The following GRID2 variants were observed in gnomAD, a reference collection of about 807,000 sequenced individuals.
The protein encoded by GRID2 is glutamate ionotropic receptor delta type subunit 2.
Under a neutral mutation model 114.8 loss-of-function variants are expected in GRID2, and 33 were observed. The observed-to-expected ratio is 0.29, with a 90% CI of 0.22 to 0.38. The LOEUF (loss-of-function observed/expected upper bound fraction) is 0.38, where lower values mean the gene tolerates loss of function less well. Among genes scored for constraint, GRID2 ranks in the 10% least tolerant of loss-of-function variants. The pLI, the probability that GRID2 is intolerant of heterozygous loss-of-function variation, is 1.00. For missense variants in GRID2, 1,184 were observed against 1,257.7 expected, an observed-to-expected ratio of 0.94 and a Z score of 0.89; for synonymous variants, 505 against 449.9, an observed-to-expected ratio of 1.12 and a Z score of -1.55.
chr4:93,350,809 A>AT (rs1223934671), intron 8 of GRID2, among the ~76,000 whole-genome samples: 2 of 152,068 alleles, frequency 1.3e-5, no homozygotes, highest in Non-Finnish European at 2.9e-5. Context: ...CTTAAAAATT[A>AT]TTTAATGTTT....
At chr4:93,031,518 C>T (rs1255617886) in intron 2 of GRID2, among the ~76,000 whole-genome samples, 1 of 152,094 alleles carries the variant, frequency 6.6e-6, no homozygotes, top group Non-Finnish European at 1.5e-5. Flanking sequence ...AATTGTAGCT[C>T]CCATAATTCC....
intron 8 of GRID2, among the ~76,000 whole-genome samples, chr4:93,315,316 G>T (rs1756469283): frequency 6.6e-6 from 1 of 152,090 alleles, no homozygotes; most frequent in Admixed American, 6.6e-5. Context: ...AATATCATAA[G>T]CTATGGGGAT....
chr4:93,181,177 AAAC>A (rs1351042543), intron 4 of GRID2, among the ~76,000 whole-genome samples: 2 of 152,192 alleles, frequency 1.3e-5, no homozygotes, highest in Admixed American at 1.3e-4. Context: ...GCGGGCATGA[AAAC>A]AACATTAATC....
At chr4:93,403,067 C>T (rs552077579) in intron 9 of GRID2, among the ~76,000 whole-genome samples, 1 of 152,216 alleles carries the variant, frequency 6.6e-6, no homozygotes, top group African/African-American at 2.4e-5. Context: ...GCCCTCACAG[C>T]AAGGAGTTGG....
In GRID2 at chr4:92,648,667, A is replaced by G. The variant is rs1731764338; in HGVS notation, c.244+58381A>G. Among the ~76,000 whole-genome samples the G allele has an allele frequency of 1.3e-5, 2 of 149,236 alleles. 1 individual carries two copies. The highest frequency in any genetic ancestry group is 1.3e-4 in the Admixed American group (2 of 15,038). On this transcript the variant is annotated intron_variant, in intron 2 of 15. Transcript: ENST00000282020. ...CAATGGTCAAACAAGCGGTTGATAA[A>G]GGAGAAGTGTGCCCAGTAAAGCAAG...
intron 2 of GRID2, among the ~76,000 whole-genome samples, chr4:92,743,894 G>A (rs1352557802): frequency 6.6e-6 from 1 of 152,182 alleles, no homozygotes; most frequent in African/African-American, 2.4e-5. Context: ...GAATTTTTAT[G>A]TTTGACATAT....
At chr4:93,694,826 C>A (rs1454476143) in intron 14 of GRID2, among the ~76,000 whole-genome samples, 4 of 152,030 alleles carry the variant, frequency 2.6e-5, no homozygotes, top group Admixed American at 6.6e-5. Flanking sequence ...TATAATTACC[C>A]GGAAATGCTC....
At chr4:93,415,914 T>A (rs1277922101) in intron 9 of GRID2, among the ~76,000 whole-genome samples, 1 of 151,956 alleles carries the variant, frequency 6.6e-6, no homozygotes. Flanking sequence ...GTATTTTTAT[T>A]TACTTTTATC....
intron 1 of GRID2, among the ~76,000 whole-genome samples, chr4:92,445,099 T>C (rs1013405586): frequency 1.3e-5 from 2 of 152,190 alleles, no homozygotes; most frequent in African/African-American, 4.8e-5. Flanking sequence ...ATATAAGGCT[T>C]ATTATGTGCT....
Position 93,402,856 on chromosome 4 carries a change from A to T in GRID2, c.1347+7148A>T, listed in dbSNP as rs117467532. 2.4e-3 allele frequency among the ~76,000 whole-genome samples: 361 copies of T among 152,310 alleles called. 2 individuals carry two copies. The highest frequency in any genetic ancestry group is 0.02 in the Admixed American group (313 of 15,276). On this transcript the variant is annotated intron_variant, in intron 9 of 15. Transcript: ENST00000282020. Reference sequence around the variant, plus strand: ...AATATATAACTAAACAAATGCCTCCAGTGATAGTTCTGAAACGTCATTGTC... The same window carrying T: ...AATATATAACTAAACAAATGCCTCCTGTGATAGTTCTGAAACGTCATTGTC...
intron 9 of GRID2, 30 bp downstream of exon 9, chr4:93,395,738 A>C: frequency 1.1e-6 from 1 of 941,392 alleles, no homozygotes; most frequent in South Asian, 1.4e-5. Context: ...CGTGGTTTTG[A>C]CTTTTGGAGG....
chr4:93,235,407 T>C (rs1746663194), intron 7 of GRID2, among the ~76,000 whole-genome samples: 4 of 152,084 alleles, frequency 2.6e-5, no homozygotes, highest in Non-Finnish European at 5.9e-5. Flanking sequence ...CCACCATGCA[T>C]GCACAAAAAT....
At chr4:93,666,455 G>A (rs776056953) in intron 14 of GRID2, among the ~76,000 whole-genome samples, 16 of 152,006 alleles carry the variant, frequency 1.1e-4, no homozygotes, top group Non-Finnish European at 2.4e-4. Flanking sequence ...GGAAGATGGG[G>A]TTTGGCATGT....
At chr4:93,279,459 A>C (rs147022435) in intron 8 of GRID2, among the ~76,000 whole-genome samples, 280 of 151,998 alleles carry the variant, frequency 1.8e-3, no homozygotes, top group Non-Finnish European at 3.3e-3. Flanking sequence ...AATTTGAGGG[A>C]TACTCAGCCA....
intron 1 of GRID2, among the ~76,000 whole-genome samples, chr4:92,489,876 C>T (rs955977363): frequency 6.0e-5 from 9 of 151,066 alleles, no homozygotes; most frequent in African/African-American, 2.2e-4. Flanking sequence ...AATGATTTCA[C>T]TTAGAGTAAA....
chr4:93,507,226 T>A (rs932483365), intron 12 of GRID2, among the ~76,000 whole-genome samples: 7 of 152,154 alleles, frequency 4.6e-5, no homozygotes, highest in African/African-American at 1.7e-4. Flanking sequence ...CCGTATACTC[T>A]TGATACCTTT....
At chr4:92,877,348 T>C (rs1745703925) in intron 2 of GRID2, among the ~76,000 whole-genome samples, 1 of 152,236 alleles carries the variant, frequency 6.6e-6, no homozygotes, top group African/African-American at 2.4e-5. Flanking sequence ...TATTCCTCAT[T>C]GTTTTTTCTC....
At chr4:93,005,079 A>G (rs1721372859) in intron 2 of GRID2, among the ~76,000 whole-genome samples, 1 of 151,996 alleles carries the variant, frequency 6.6e-6, no homozygotes, top group Admixed American at 6.6e-5. Context: ...CAGTGTTTCT[A>G]CTGTGCTCCA....
rs561725052 is a variant in GRID2 at position 93,754,996 on chromosome 4, A to G, written c.2361-14214A>G. On this transcript the variant is annotated intron_variant, in intron 14 of 15. Transcript: ENST00000282020. ...CTTCTCTGAGTTATTGAAGCATCCC[A>G]TAATATCATCAAGTAAGTAAACGTT... Among the ~76,000 whole-genome samples the G allele has an allele frequency of 1.1e-3, 164 of 152,314 alleles. 1 individual carries two copies. Among genetic ancestry groups the G allele is most frequent in the Non-Finnish European group, 1.2e-3 (83 of 68,020 alleles).
Sources: gnomAD v4.1 joint callset for allele counts (sites outside exome capture counted in the v4.1 genomes callset) on GRCh38, gnomAD v4.1.1 for gene constraint, MANE v1.5 for transcripts, NCBI Gene and HGNC (gene_info 2026-07-23, HGNC 2026-07-21) for gene names.